DYM: variants seen among roughly 807,000 people sequenced by gnomAD.
DYM encodes dyggve-Melchior-Clausen syndrome protein.
A neutral mutation model predicts 93.1 loss-of-function variants in DYM; 78 were observed. The ratio of observed to expected loss-of-function variants is 0.84; its 90% CI spans 0.70 to 1.01. The LOEUF (loss-of-function observed/expected upper bound fraction) is 1.01, where lower values mean the gene tolerates loss of function less well. Ranked by LOEUF, DYM falls within the 50% of genes least tolerant of loss-of-function variation. The probability of loss-of-function intolerance (pLI) is 0.00; values close to 1 mark genes in which losing one functional copy is unlikely to be tolerated. For synonymous variants in DYM, 321 were observed against 319.7 expected (o/e 1.00, Z -0.04); for missense variants, 789 against 845.0 (o/e 0.93, Z 0.82).
chr18:49,378,603 G>A lies in DYM; in HGVS notation c.385C>T (p.His129Tyr), dbSNP rs762732198. Reference sequence around the variant, plus strand: ...GGAGATTTTTCTTCATAAGTAAAATGAAGTTGTAATTCCTCCTCTGACATC... The same window carrying A: ...GGAGATTTTTCTTCATAAGTAAAATAAAGTTGTAATTCCTCCTCTGACATC... ...CQMSEEELQL[H>Y]FTYEEKSPGN... The change falls in exon 5 of 18, where the codon CAT (histidine) becomes TAT (tyrosine). Residue 129 changes from histidine to tyrosine, a missense_variant. Physicochemically the swap from His to Tyr is moderately conservative, Grantham distance 83. This residue lies in a region of DYM where 450 missense variants were observed against 436.2 expected (regional missense o/e 1.03). Coordinates refer to ENST00000675505, the MANE Select transcript of DYM (RefSeq NM_001353214.3). The A allele has an allele frequency of 4.3e-6, 7 of 1,612,440 alleles. No individual in the cohort carries two copies. Among genetic ancestry groups the A allele is most frequent in the Non-Finnish European group, 5.9e-6 (7 of 1,178,842 alleles).
intron 8 of DYM, among the ~76,000 whole-genome samples, chr18:49,313,369 A>G (rs2061714624): frequency 6.7e-6 from 1 of 149,186 alleles, no homozygotes; most frequent in Admixed American, 6.7e-5. Context: ...AGGTTGAGGC[A>G]GAAGAATCAC....
At chr18:49,313,493 A>AAAAAAAG (rs2061735276) in intron 8 of DYM, among the ~76,000 whole-genome samples, 2 of 141,116 alleles carry the variant, frequency 1.4e-5, no homozygotes, top group African/African-American at 2.8e-5. Flanking sequence ...AAAAAAAAAA[A>AAAAAAAG]AAAAGGGCTG....
intron 8 of DYM, among the ~76,000 whole-genome samples, chr18:49,313,134 A>C (rs781186905): frequency 6.6e-5 from 10 of 152,284 alleles, no homozygotes; most frequent in Non-Finnish European, 1.2e-4. Flanking sequence ...ACCGGAGGTC[A>C]ACACAGGATA....
At chr18:49,049,931 T>G (rs978775912) in intron 17 of DYM, among the ~76,000 whole-genome samples, 1 of 152,134 alleles carries the variant, frequency 6.6e-6, no homozygotes, top group South Asian at 2.1e-4. Context: ...CATCAACATT[T>G]TTAAAGAACA....
At chr18:49,096,247 A>G (rs1046817428) in intron 17 of DYM, among the ~76,000 whole-genome samples, 7 of 152,210 alleles carry the variant, frequency 4.6e-5, no homozygotes, top group Non-Finnish European at 7.3e-5. Flanking sequence ...AACATTTGCC[A>G]TCTTTGCACA....
intron 10 of DYM, among the ~76,000 whole-genome samples, chr18:49,273,821 T>TC (rs1488263102): frequency 2.0e-5 from 3 of 151,856 alleles, no homozygotes; most frequent in African/African-American, 4.8e-5. Context: ...TATGCCTTTT[T>TC]TTTTTTTTTT....
intron 15 of DYM, among the ~76,000 whole-genome samples, chr18:49,161,212 A>C (rs2087080574): frequency 1.3e-5 from 2 of 152,220 alleles, no homozygotes; most frequent in Admixed American, 1.3e-4. Flanking sequence ...GAAAATATTC[A>C]ATCAGTGACT....
chr18:49,095,447 GTT>G (rs202172264), intron 17 of DYM, among the ~76,000 whole-genome samples: 3 of 142,448 alleles, frequency 2.1e-5, no homozygotes, highest in African/African-American at 5.1e-5. Context: ...TGGTGATAGT[GTT>G]TTTTTTTTTT....
chr18:49,393,092 GGAAGGAAGGAAGGAAGGAAGGAA>G (rs2069557251), intron 2 of DYM, among the ~76,000 whole-genome samples: 1 of 438 alleles, frequency 2.3e-3, no homozygotes, highest in Non-Finnish European at 5.9e-3. Context: ...AGGGAGGGAG[GGAAGGAAGGAAGGAAGGAAGGAA>G]GGAAGGAAGG....
chr18:49,213,366 G>A lies in DYM; in HGVS notation c.1461-3651C>T, dbSNP rs559176170. 2.5e-3 allele frequency among the ~76,000 whole-genome samples: 378 copies of A among 149,398 alleles called. 3 individuals are homozygous for A. Among genetic ancestry groups the A allele is most frequent in the African/African-American group, 8.7e-3 (354 of 40,492 alleles). ...GACTGGAGTGCAATGGCATGATCTC[G>A]GCTCACTGCAACCTCCGCCTCCCGG... On this transcript the variant is annotated intron_variant, in intron 13 of 17. Coordinates refer to ENST00000675505, the MANE Select transcript of DYM (RefSeq NM_001353214.3).
At chr18:49,102,944 C>G (rs967121041) in intron 16 of DYM, among the ~76,000 whole-genome samples, 11 of 152,178 alleles carry the variant, frequency 7.2e-5, no homozygotes, top group African/African-American at 2.7e-4. Flanking sequence ...AATGGGATTG[C>G]TGGGTCAAAT....
At chr18:49,058,464 T>C (rs535888305) in intron 17 of DYM, among the ~76,000 whole-genome samples, 3 of 152,220 alleles carry the variant, frequency 2.0e-5, no homozygotes, top group African/African-American at 7.2e-5. Flanking sequence ...GGACCACAGG[T>C]CTGCACCACC....
intron 8 of DYM, among the ~76,000 whole-genome samples, chr18:49,300,524 T>C (rs2060861089): frequency 6.6e-6 from 1 of 151,634 alleles, no homozygotes. Context: ...TGCTTGAACC[T>C]GGGAAGCGGA....
At position 49,410,540 on chromosome 18, in the gene DYM, T is replaced by C. The variant is rs139457890; in HGVS notation, c.141-18895A>G. On this transcript the variant is annotated intron_variant, in intron 2 of 17. Transcript: ENST00000675505. ...CAAAAAAAAAAAAAGTCTTATTATA[T>C]ACATTTAGCAGACTTCACTGATCTG... is the stretch of plus-strand genomic sequence containing the variant. 6.6e-5 allele frequency among the ~76,000 whole-genome samples: 10 copies of C among 151,854 alleles called. No individual in the cohort carries two copies. In the East Asian group the frequency reaches 9.7e-4, roughly 15 times the overall value.
At chr18:49,205,843 A>G (rs563742747) in intron 14 of DYM, 1 of 155,952 alleles carries the variant, frequency 6.4e-6, no homozygotes, top group South Asian at 2.1e-4. Flanking sequence ...AAAATGAAAC[A>G]GCAAGAGCTT....
intron 6 of DYM, among the ~76,000 whole-genome samples, chr18:49,342,982 ACAGCTT>A (rs1276477417): frequency 6.6e-6 from 1 of 152,206 alleles, no homozygotes; most frequent in Non-Finnish European, 1.5e-5. Context: ...ACAATGAAGC[ACAGCTT>A]CAAATGGTAG....
chr18:49,147,041 G>A lies in DYM; in HGVS notation c.1728+16644C>T, dbSNP rs545731008. ...GAACAGAGCCCTCAGAAATAATGCC[G>A]CATATCTACAACTATCTGATCTTTG... On this transcript the variant is annotated intron_variant, in intron 15 of 17. Coordinates refer to ENST00000675505, the MANE Select transcript of DYM (RefSeq NM_001353214.3). 4.9e-4 allele frequency among the ~76,000 whole-genome samples: 75 copies of A among 151,888 alleles called. 1 individual carries two copies. Among genetic ancestry groups the A allele is most frequent in the East Asian group, 1.4e-3 (7 of 5,182 alleles).
At chr18:49,175,419 A>C (rs747902331) in intron 14 of DYM, among the ~76,000 whole-genome samples, 1 of 152,192 alleles carries the variant, frequency 6.6e-6, no homozygotes, top group Non-Finnish European at 1.5e-5. Flanking sequence ...ATTACGTAAC[A>C]ATCTTTACTA....
intron 15 of DYM, among the ~76,000 whole-genome samples, chr18:49,160,123 C>T (rs2086918990): frequency 6.6e-6 from 1 of 152,168 alleles, no homozygotes. Flanking sequence ...AACACCAAAG[C>T]AAAGCCAAGT....
Sources: gnomAD v4.1 joint callset for allele counts (sites outside exome capture counted in the v4.1 genomes callset) on GRCh38, gnomAD v4.1.1 for gene constraint, gnomAD v4.1.1 regional missense constraint, MANE v1.5 for transcripts, NCBI Gene and HGNC (gene_info 2026-07-23, HGNC 2026-07-21) for gene names.